The following SLC2A5 variants were observed in gnomAD, a reference collection of about 807,000 sequenced individuals.
SLC2A5 encodes solute carrier family 2, facilitated glucose transporter member 5.
SLC2A5 carries 56 observed loss-of-function variants against 50.3 expected under a neutral mutation model. That is an observed-to-expected ratio of 1.11 (90% CI 0.90 to 1.39). The LOEUF (loss-of-function observed/expected upper bound fraction) is 1.39. Ranked by LOEUF, SLC2A5 falls within the 40% of genes most tolerant of loss-of-function variation. The pLI, the probability that SLC2A5 is intolerant of heterozygous loss-of-function variation, is 0.00. For synonymous variants in SLC2A5, 269 were observed against 281.9 expected (o/e 0.95, Z 0.46); for missense variants, 566 against 650.1 (o/e 0.87, Z 1.41).
rs1438080683 is a variant in SLC2A5 at position 9,039,862 on chromosome 1, G to T, written c.823C>A (p.Arg275Ser). Residue 275 changes from arginine to serine, a missense_variant, in exon 7 of 12, where the codon CGC becomes AGC. By Grantham distance (110) the Arg-to-Ser change is moderately radical (BLOSUM62 -1). Coordinates refer to ENST00000377424, the MANE Select transcript of SLC2A5 (RefSeq NM_003039.3). The stretch of plus-strand genomic sequence containing the variant: ...ACGATGATGGACAGCAGCTGCCAGC[G>T]CAGCGAGCGCATCCGGAACAGCTTC... ...VLKLFRMRSL[R>S]WQLLSIIVLM... 6.2e-7 allele frequency: 1 copy of T among 1,611,582 alleles called. No homozygotes were observed. Among genetic ancestry groups the T allele is most frequent in the Non-Finnish European group, 8.5e-7 (1 of 1,179,416 alleles).
intron 2 of SLC2A5, among the ~76,000 whole-genome samples, chr1:9,077,924 G>A (rs750281260): frequency 1.3e-5 from 2 of 152,000 alleles, no homozygotes; most frequent in Non-Finnish European, 2.9e-5. Flanking sequence ...TAAGGTGAAA[G>A]CAAGTTTATT....
chr1:9,059,686 T>C (rs1458498888), intron 1 of SLC2A5, among the ~76,000 whole-genome samples: 3 of 151,878 alleles, frequency 2.0e-5, no homozygotes, highest in Non-Finnish European at 4.4e-5. Flanking sequence ...CATGCCATCA[T>C]GCCTGGCTAA....
rs537572078 is a variant in SLC2A5 at position 9,075,940 on chromosome 1, C to A, written c.-58-6346G>T. On this transcript the variant is annotated intron_variant, in intron 2 of 5. Transcript: ENST00000464985. ...CCTCCCAAAGTGCTGGGATTACAGG[C>A]GTGAGCCACCGCGCCCGGCATTTTT... is the stretch of plus-strand genomic sequence containing the variant. Among the ~76,000 whole-genome samples, 56 of 151,258 alleles carry A rather than the reference C, an allele frequency of 3.7e-4. 2 individuals are homozygous for A. The highest frequency in any genetic ancestry group is 3.6e-3 in the Admixed American group (55 of 15,154).
chr1:9,081,468 TAAAAAAAA>T, intron 2 of SLC2A5, among the ~76,000 whole-genome samples: 1 of 102,470 alleles, frequency 9.8e-6, no homozygotes, highest in Middle Eastern at 5.7e-3. Context: ...CTCCTTCTCT[TAAAAAAAA>T]AAAAAAAAAA....
At chr1:9,076,842 T>C (rs1380855188) in intron 2 of SLC2A5, among the ~76,000 whole-genome samples, 1 of 151,720 alleles carries the variant, frequency 6.6e-6, no homozygotes, top group Non-Finnish European at 1.5e-5. Flanking sequence ...CAGACTGGAA[T>C]GCAGTGGCGT....
At chr1:9,085,354 G>A (rs75313294) in intron 1 of SLC2A5, among the ~76,000 whole-genome samples, 2,341 of 152,254 alleles carry the variant, frequency 0.015, 64 homozygotes, top group African/African-American at 0.053. Flanking sequence ...AAGGCGGGAC[G>A]ATTCAAAGGT....
chr1:9,051,592 G>A (rs895681915), intron 3 of SLC2A5, among the ~76,000 whole-genome samples: 4 of 152,072 alleles, frequency 2.6e-5, no homozygotes, highest in African/African-American at 9.7e-5. Flanking sequence ...TAAACAATAA[G>A]GTACCACCTG....
chr1:9,060,236 CA>C lies in SLC2A5; in HGVS notation c.34-1987del, dbSNP rs200240668. Among the ~76,000 whole-genome samples the C allele has an allele frequency of 1.6e-4, 19 of 120,794 alleles. No individual in the cohort carries two copies. The East Asian group carries it at 2.3e-3, about 15-fold the overall frequency. The allele number at this position is 120,794 out of a possible 152,430, so 79.2% of individuals were successfully genotyped here. On this transcript the variant is annotated intron_variant, in intron 1 of 11. Coordinates refer to ENST00000377424, the MANE Select transcript of SLC2A5 (RefSeq NM_003039.3). ...CCTCATGTAACAAACAATACACACA[CA>C]CCCCCCATGTACACACACTACACAC...
At chr1:9,087,448 C>T (rs894224817) in intron 1 of SLC2A5, among the ~76,000 whole-genome samples, 9 of 152,122 alleles carry the variant, frequency 5.9e-5, no homozygotes, top group Admixed American at 6.5e-5. Context: ...TTGTGATCTT[C>T]CCGCCTCAGC....
In SLC2A5 at chr1:9,040,228, C is replaced by A; in HGVS notation, c.572-39G>T. ...AGCGAGCTGGCACCAGCGGCCTCCC[C>A]ACCACCCCGAAGGCGCCCTCTGCAG... On this transcript the variant is annotated intron_variant, in intron 5 of 11. Coordinates refer to ENST00000377424, the MANE Select transcript of SLC2A5 (RefSeq NM_003039.3). This position sits in a 1 kb window ranked among gnomAD's most constrained non-coding sequence, Gnocchi z 4.3. The A allele has an allele frequency of 6.5e-7, 1 of 1,537,220 alleles. No homozygotes were observed. The highest frequency in any genetic ancestry group is 1.2e-5 in the South Asian group (1 of 83,290).
chr1:9,047,052 C>A (rs1641453687), intron 4 of SLC2A5, among the ~76,000 whole-genome samples: 1 of 152,056 alleles, frequency 6.6e-6, no homozygotes, highest in South Asian at 2.1e-4. Context: ...TTGTAAGTTT[C>A]CTGAGGCCTC....
At position 9,057,651 on chromosome 1, in the gene SLC2A5, G is replaced by A. The variant is rs373785634; in HGVS notation, c.133-43C>T. 98 of 1,577,590 alleles carry A rather than the reference G, an allele frequency of 6.2e-5. No individual in the cohort carries two copies. The Admixed American group carries it at 1.0e-3, about 17-fold the overall frequency. On this transcript the variant is annotated intron_variant, in intron 2 of 11. Coordinates refer to ENST00000377424, the MANE Select transcript of SLC2A5 (RefSeq NM_003039.3). ...ACAGAACACCAAAATAATTTGATCCGGTTTTGCAAGAAGAACATTAGCTGT... is the reference window on the plus strand; with the variant it reads ...ACAGAACACCAAAATAATTTGATCCAGTTTTGCAAGAAGAACATTAGCTGT...
chr1:9,042,405 G>T (rs1569845320), intron 4 of SLC2A5, among the ~76,000 whole-genome samples: 1 of 151,924 alleles, frequency 6.6e-6, no homozygotes, highest in East Asian at 1.9e-4. Context: ...CTAAAAATAT[G>T]TATATGTGTG....
At chr1:9,070,054 G>A (rs923776184), upstream of SLC2A5, among the ~76,000 whole-genome samples, 9 of 147,708 alleles carry the variant, frequency 6.1e-5, no homozygotes, top group Admixed American at 2.7e-4. Context: ...ACTGTTTGGG[G>A]AAAGTTTCTC....
At chr1:9,070,469 G>A (rs1409832266), upstream of SLC2A5, among the ~76,000 whole-genome samples, 2 of 151,972 alleles carry the variant, frequency 1.3e-5, no homozygotes, top group African/African-American at 4.8e-5. Context: ...TAAATACCTC[G>A]AACCCCTTTC....
At position 9,037,557 on chromosome 1, in the gene SLC2A5, G is replaced by T. The variant is rs1285611963; in HGVS notation, c.*29C>A. On this transcript the variant is annotated 3_prime_UTR_variant, in exon 12 of 12. Transcript: ENST00000377424. Reference sequence around the variant, plus strand: ...AAGCCAAAGTGGGAAGCCCCTGGCAGACCAGCTCCACTGGCTTCCTCTCCA... The same window carrying T: ...AAGCCAAAGTGGGAAGCCCCTGGCATACCAGCTCCACTGGCTTCCTCTCCA... 2.5e-6 allele frequency: 4 copies of T among 1,595,704 alleles called. No individual in the cohort carries two copies. Among genetic ancestry groups the T allele is most frequent in the African/African-American group, 2.7e-5 (2 of 74,564 alleles).
intron 10 of SLC2A5, 38 bp from the exon 11 acceptor site, chr1:9,038,062 CG>C (rs1434956248): frequency 1.2e-6 from 2 of 1,607,484 alleles, no homozygotes; most frequent in African/African-American, 2.7e-5. Flanking sequence ...GAAGGCAGAG[CG>C]GGCCCGAGCA....
chr1:9,037,730 G>A lies in SLC2A5; in HGVS notation c.1362C>T (p.Ile454=), dbSNP rs773378487. Residue 454 remains isoleucine (I), a synonymous_variant, in exon 12 of 12, where the codon ATC becomes ATT. Coordinates refer to ENST00000377424, the MANE Select transcript of SLC2A5 (RefSeq NM_003039.3). ...TCTCCGGGACAATCAAGAAGATGTA[G>A]ATGGTGGTGAGGAGGCAGATCACGG... ...VFAVICLLTT[I]YIFLIVPETK... The A allele has an allele frequency of 6.2e-7, 1 of 1,614,214 alleles. No individual in the cohort carries two copies. Among genetic ancestry groups the A allele is most frequent in the Non-Finnish European group, 8.5e-7 (1 of 1,180,044 alleles).
upstream of SLC2A5, among the ~76,000 whole-genome samples, chr1:9,071,388 C>T (rs1402928220): frequency 2.0e-5 from 3 of 152,006 alleles, no homozygotes; most frequent in African/African-American, 7.2e-5. Flanking sequence ...CCAGCCTGGG[C>T]GACAGAGCGA....
Sources: gnomAD v4.1 joint callset for allele counts (sites outside exome capture counted in the v4.1 genomes callset) on GRCh38, gnomAD v4.1.1 for gene constraint, Gnocchi (gnomAD v3.1) non-coding constraint, MANE v1.5 for transcripts, NCBI Gene and HGNC (gene_info 2026-07-23, HGNC 2026-07-21) for gene names.